Variants in NBEA observed in about 807,000 individuals in gnomAD.
NBEA encodes lysosomal-trafficking regulator 2.
A neutral mutation model predicts 343.4 loss-of-function variants in NBEA; 44 were observed. That is an observed-to-expected ratio of 0.13 (90% CI 0.10 to 0.16). The LOEUF is 0.16. Among genes scored for constraint, NBEA ranks in the 10% least tolerant of loss-of-function variants. The pLI, the probability that NBEA is intolerant of heterozygous loss-of-function variation, is 1.00. For synonymous variants in NBEA, 1,175 were observed against 1,238.7 expected, an observed-to-expected ratio of 0.95 and a Z score of 1.08; for missense variants, 2,555 against 3,631.3, an observed-to-expected ratio of 0.70 and a Z score of 7.62.
intron 1 of NBEA, among the ~76,000 whole-genome samples, chr13:34,961,658 GT>G (rs2059666317): frequency 6.6e-6 from 1 of 152,064 alleles, no homozygotes; most frequent in Non-Finnish European, 1.5e-5. Context: ...CTGCCCTGGA[GT>G]TTATAGAGTT....
At position 35,098,358 on chromosome 13, in the gene NBEA, A is replaced by G; in HGVS notation, c.1633A>G (p.Met545Val). ...LKSSVAMQEQMLGGKGFLVIG... is the reference protein window; with the variant it reads ...LKSSVAMQEQVLGGKGFLVIG... The stretch of plus-strand genomic sequence containing the variant: ...AAGTTCAGTAGCCATGCAAGAACAG[A>G]TGCTGGGTGGAAAAGGCTTTTTAGT... The change falls in exon 11 of 59, where the codon ATG (methionine) becomes GTG (valine). Residue 545 changes from methionine to valine, a missense_variant. Physicochemically the swap from Met to Val is conservative, Grantham distance 21. This residue lies in a region of NBEA where 360 missense variants were observed against 519.1 expected (regional missense o/e 0.69). Transcript: ENST00000379939. 3.1e-6 allele frequency: 5 copies of G among 1,594,100 alleles called. No homozygotes were observed. The highest frequency in any genetic ancestry group is 4.3e-6 in the Non-Finnish European group (5 of 1,168,998).
chr13:35,271,975 G>A (rs915867956), intron 34 of NBEA, among the ~76,000 whole-genome samples: 4 of 152,244 alleles, frequency 2.6e-5, no homozygotes, highest in Non-Finnish European at 5.9e-5. Context: ...AGCAAGACAG[G>A]CCAACATTCA....
intron 36 of NBEA, among the ~76,000 whole-genome samples, chr13:35,334,383 C>T (rs1392958983): frequency 6.6e-6 from 1 of 152,144 alleles, no homozygotes; most frequent in Non-Finnish European, 1.5e-5. Flanking sequence ...AATTCTCCTG[C>T]CTCAGCCTCC....
chr13:35,330,122 C>G (rs1001950239), intron 36 of NBEA, among the ~76,000 whole-genome samples: 1 of 152,050 alleles, frequency 6.6e-6, no homozygotes, highest in East Asian at 1.9e-4. Flanking sequence ...AACATAGTCA[C>G]CTGTTTCTGT....
intron 1 of NBEA, among the ~76,000 whole-genome samples, chr13:35,038,527 C>T (rs1304843555): frequency 6.6e-6 from 1 of 152,104 alleles, no homozygotes; most frequent in East Asian, 1.9e-4. Flanking sequence ...AGCGTAGTAC[C>T]TTGGTATCAC....
intron 34 of NBEA, among the ~76,000 whole-genome samples, chr13:35,273,680 A>G (rs2034355347): frequency 6.6e-6 from 1 of 152,134 alleles, no homozygotes; most frequent in Non-Finnish European, 1.5e-5. Flanking sequence ...GATAAAGGGG[A>G]TATCACCACC....
chr13:35,164,571 T>C, intron 24 of NBEA, 62 bp downstream of exon 24: 1 of 1,517,550 alleles, frequency 6.6e-7, no homozygotes, highest in Non-Finnish European at 9.0e-7. Context: ...AGCATTTCAG[T>C]GGTGGTCTAG....
intron 17 of NBEA, among the ~76,000 whole-genome samples, chr13:35,135,068 C>G (rs2067642171): frequency 5.3e-5 from 8 of 151,968 alleles, no homozygotes; most frequent in Admixed American, 5.2e-4. Flanking sequence ...AGGGTAATAT[C>G]CAGTCATTAA....
rs1165053722 is a variant in NBEA at position 35,161,862 on chromosome 13, G to A, written c.3974G>A (p.Arg1325Gln). The change falls in exon 23 of 59, where the codon CGG (arginine) becomes CAG (glutamine). Residue 1325 changes from arginine (R) to glutamine (Q), a missense_variant. Coordinates refer to ENST00000379939, the MANE Select transcript of NBEA (RefSeq NM_001385012.1). Reference protein sequence around the residue: ...EQRRQFSPGPRTTMFRIPEFK... With the variant: ...EQRRQFSPGPQTTMFRIPEFK... ...CGACGCCAGTTTAGCCCAGGTCCAC[G>A]GACTACAATGTTTCGTATTCCTGAG... is the stretch of plus-strand genomic sequence containing the variant. 3.7e-6 allele frequency: 6 copies of A among 1,606,148 alleles called. No homozygotes were observed. Among genetic ancestry groups the A allele is most frequent in the East Asian group, 2.2e-5 (1 of 44,518 alleles).
chr13:35,373,515 G>T (rs1052704855), intron 38 of NBEA, among the ~76,000 whole-genome samples: 3 of 151,522 alleles, frequency 2.0e-5, no homozygotes, highest in African/African-American at 7.3e-5. Context: ...GACCAGCCTG[G>T]GTGACAGGAC....
At chr13:35,094,347 C>G (rs903760417) in intron 10 of NBEA, among the ~76,000 whole-genome samples, 1 of 152,050 alleles carries the variant, frequency 6.6e-6, no homozygotes, top group Non-Finnish European at 1.5e-5. Flanking sequence ...CATGTGCTAT[C>G]TTATGTATCC....
At chr13:34,990,301 GC>G (rs1428520508) in intron 1 of NBEA, among the ~76,000 whole-genome samples, 4 of 151,148 alleles carry the variant, frequency 2.6e-5, no homozygotes, top group Non-Finnish European at 5.9e-5. Context: ...TGAGGGCTCT[GC>G]CCCTGTAGCA....
chr13:35,310,469 C>T (rs954356474), intron 36 of NBEA, among the ~76,000 whole-genome samples: 12 of 152,166 alleles, frequency 7.9e-5, no homozygotes, highest in Admixed American at 1.3e-4. Flanking sequence ...AGGACTAAAA[C>T]ACAGCACGCT....
At chr13:35,280,106 C>T (rs1011014724) in intron 34 of NBEA, among the ~76,000 whole-genome samples, 16 of 152,220 alleles carry the variant, frequency 1.1e-4, no homozygotes, top group African/African-American at 3.9e-4. Flanking sequence ...TTATCCACAC[C>T]TGAAAGGTTG....
chr13:35,362,237 C>T (rs1344916103), intron 38 of NBEA, among the ~76,000 whole-genome samples: 1 of 151,746 alleles, frequency 6.6e-6, no homozygotes, highest in Non-Finnish European at 1.5e-5. Flanking sequence ...TATTTCTGTG[C>T]AAACACTATT....
At chr13:35,511,000 A>G (rs2077254170) in intron 41 of NBEA, among the ~76,000 whole-genome samples, 1 of 152,210 alleles carries the variant, frequency 6.6e-6, no homozygotes, top group African/African-American at 2.4e-5. Context: ...TAACATAATA[A>G]TAAGTAGAAA....
chr13:35,664,037 G>A (rs1416314401), intron 55 of NBEA, among the ~76,000 whole-genome samples: 1 of 152,190 alleles, frequency 6.6e-6, no homozygotes, highest in African/African-American at 2.4e-5. Context: ...AGTGGAAGAT[G>A]TGGGTCGTCT....
intron 33 of NBEA, among the ~76,000 whole-genome samples, chr13:35,217,423 T>C (rs1176270811): frequency 6.6e-6 from 1 of 152,018 alleles, no homozygotes; most frequent in African/African-American, 2.4e-5. Flanking sequence ...TTTGGTGTCA[T>C]GTCTAAGAGC....
chr13:34,966,272 C>A (rs2059818047), intron 1 of NBEA, among the ~76,000 whole-genome samples: 1 of 151,854 alleles, frequency 6.6e-6, no homozygotes, highest in Non-Finnish European at 1.5e-5. Context: ...AGAGTAGTGT[C>A]CTCTTATCCT....
Sources: allele counts gnomAD v4.1 joint callset (sites outside exome capture counted in the v4.1 genomes callset), GRCh38; gene constraint gnomAD v4.1.1; regional missense constraint gnomAD v4.1.1; transcripts MANE v1.5; gene names NCBI Gene and HGNC (gene_info 2026-07-23, HGNC 2026-07-21).